The following RABL6 variants were observed in gnomAD, a reference collection of about 807,000 sequenced individuals.
RABL6 encodes rab-like protein 6.
RABL6 carries 28 observed loss-of-function variants against 72.9 expected under a neutral mutation model. That is an observed-to-expected ratio of 0.38 (90% CI 0.28 to 0.53). RABL6 has a LOEUF of 0.53. RABL6 is among the 20% of genes least tolerant of loss of function. RABL6 has a pLI of 0.80. For synonymous variants in RABL6, 477 were observed against 421.2 expected, an observed-to-expected ratio of 1.13 and a Z score of -1.62; for missense variants, 1,029 against 1,008.4, an observed-to-expected ratio of 1.02 and a Z score of -0.28.
intron 1 of RABL6, among the ~76,000 whole-genome samples, chr9:136,817,492 G>T (rs1195318116): frequency 6.6e-6 from 1 of 151,730 alleles, no homozygotes; most frequent in Non-Finnish European, 1.5e-5. Flanking sequence ...TGTGGCTGAG[G>T]GGAGGCCGAC....
At chr9:136,821,685 C>G in intron 1 of RABL6, 1 of 999,748 alleles carries the variant, frequency 1.0e-6, no homozygotes. Context: ...GCCTGGCTCC[C>G]TCCTGGCTGC....
Position 136,840,303 on chromosome 9 carries a change from C to T in RABL6, c.1990-19C>T. 1 of 1,603,216 alleles carries T rather than the reference C, an allele frequency of 6.2e-7. No individual in the cohort carries two copies. The highest frequency in any genetic ancestry group is 8.5e-7 in the Non-Finnish European group (1 of 1,175,134). On this transcript the variant is annotated intron_variant, in intron 14 of 14. Transcript: ENST00000311502. ...TGGCTTCCTGTGACTCCATGGCGCC[C>T]CATCCTTGTGCTCCTCAGGAAGAAG...
intron 2 of RABL6, among the ~76,000 whole-genome samples, chr9:136,824,865 C>T (rs564660803): frequency 6.6e-6 from 1 of 152,330 alleles, no homozygotes; most frequent in African/African-American, 2.4e-5. Flanking sequence ...CTACCTGCCA[C>T]CGCACCCTCT....
chr9:136,812,543 A>AGT (rs1299004215), intron 1 of RABL6, among the ~76,000 whole-genome samples: 2 of 152,050 alleles, frequency 1.3e-5, no homozygotes, highest in Non-Finnish European at 2.9e-5. Context: ...TGGGCGACAG[A>AGT]GTGAGACTTC....
At chr9:136,819,656 G>A (rs1848198930) in intron 1 of RABL6, among the ~76,000 whole-genome samples, 1 of 152,328 alleles carries the variant, frequency 6.6e-6, no homozygotes, top group Admixed American at 6.5e-5. Flanking sequence ...CAGCGACAGT[G>A]ATGCCATATG....
intron 1 of RABL6, among the ~76,000 whole-genome samples, chr9:136,822,971 C>T (rs1848273541): frequency 1.3e-5 from 2 of 152,024 alleles, no homozygotes; most frequent in East Asian, 1.9e-4. Flanking sequence ...GCCTGTAGTC[C>T]CAGCTACTCG....
intron 3 of RABL6, chr9:136,827,754 T>G (rs1179152983): frequency 6.6e-6 from 1 of 152,296 alleles, no homozygotes; most frequent in African/African-American, 2.4e-5. Context: ...CGTGGCGTTT[T>G]AAACACATGA....
In RABL6 at chr9:136,839,070, C is replaced by T. The variant is rs1222282728; in HGVS notation, c.1442C>T (p.Thr481Ile). 6.2e-6 allele frequency: 10 copies of T among 1,612,282 alleles called. No homozygotes were observed. The highest frequency in any genetic ancestry group is 8.5e-6 in the Non-Finnish European group (10 of 1,179,792). The change falls in exon 11 of 15, where the codon ACA becomes ATA. Residue 481 changes from threonine to isoleucine, a missense_variant. By Grantham distance (89) the Thr-to-Ile change is moderately conservative. This residue lies in a region of RABL6 where 595 missense variants were observed against 472.4 expected (regional missense o/e 1.26). Transcript: ENST00000311502. ...GAGGAAGCAGAAGTGGCAGCTCCCA[C>T]AAAAGGCCCTGCCCCAGCTCCCCAG... Reference protein sequence around the residue: ...SEEEAEVAAPTKGPAPAPQQC... With the variant: ...SEEEAEVAAPIKGPAPAPQQC...
In RABL6 at chr9:136,826,885, G is replaced by C. The variant is rs935483013; in HGVS notation, c.313+1059G>C. 2 of 152,390 alleles carry C rather than the reference G, an allele frequency of 1.3e-5. No individual in the cohort carries two copies. The highest frequency in any genetic ancestry group is 4.8e-5 in the African/African-American group (2 of 41,436). 9.4% of individuals were successfully genotyped at this position (152,390 alleles called of 1,614,324 possible). On this transcript the variant is annotated intron_variant, in intron 3 of 14. Transcript: ENST00000311502. The surrounding 1 kb of genome is among the most constrained non-coding windows in gnomAD (Gnocchi z 4.9). ...CTGTGCCTCCAGCTCTGGCTTCCTG[G>C]GTCTGTCCTTGGCGTGGAGCGGGCA... is the stretch of plus-strand genomic sequence containing the variant.
chr9:136,831,804 G>C lies in RABL6; in HGVS notation c.542G>C (p.Gly181Ala). The C allele has an allele frequency of 6.2e-7, 1 of 1,613,322 alleles. No homozygotes were observed. The highest frequency in any genetic ancestry group is 8.5e-7 in the Non-Finnish European group (1 of 1,179,812). Residue 181 changes from glycine to alanine, a missense_variant, in exon 6 of 15, where the codon GGC (glycine) becomes GCC (alanine). Coordinates refer to ENST00000311502, the MANE Select transcript of RABL6 (RefSeq NM_024718.5). ...VCVLGNYRDMGEHRVILPDDV... is the reference protein window; with the variant it reads ...VCVLGNYRDMAEHRVILPDDV... ...GTGCTGGGAAACTACCGGGACATGGGCGAGCACCGAGTCATCCTGCCGGAC... is the reference window on the plus strand; with the variant it reads ...GTGCTGGGAAACTACCGGGACATGGCCGAGCACCGAGTCATCCTGCCGGAC...
At chr9:136,822,731 G>T (rs1848265427) in intron 1 of RABL6, among the ~76,000 whole-genome samples, 2 of 152,212 alleles carry the variant, frequency 1.3e-5, no homozygotes, top group Non-Finnish European at 2.9e-5. Flanking sequence ...CAGGCCCGGG[G>T]CTACCCGGCA....
At chr9:136,821,567 C>T (rs1848238223) in intron 1 of RABL6, 1 of 985,356 alleles carries the variant, frequency 1.0e-6, no homozygotes, top group African/African-American at 1.7e-5. Context: ...CTGGGGGGGA[C>T]GGCGGCCGCC....
At chr9:136,812,204 C>G (rs918750199) in intron 1 of RABL6, among the ~76,000 whole-genome samples, 1 of 152,142 alleles carries the variant, frequency 6.6e-6, no homozygotes, top group African/African-American at 2.4e-5. Context: ...TGATACTGGC[C>G]TGGCCCAGGA....
At chr9:136,824,663 A>G (rs78579361) in intron 2 of RABL6, among the ~76,000 whole-genome samples, 3 of 149,380 alleles carry the variant, frequency 2.0e-5, no homozygotes, top group Non-Finnish European at 4.5e-5. Flanking sequence ...TTTCACTGCA[A>G]AAAAAAAAAA....
At position 136,835,784 on chromosome 9, in the gene RABL6, A is replaced by T. The variant is rs749731529; in HGVS notation, c.748A>T (p.Met250Leu). The T allele has an allele frequency of 1.3e-6, 2 of 1,553,146 alleles. No homozygotes were observed. The highest frequency in any genetic ancestry group is 3.9e-5 in the Admixed American group (2 of 51,398). The change falls in exon 8 of 15, where the codon ATG becomes TTG. Residue 250 changes from methionine to leucine, a missense_variant. Met to Leu is a conservative substitution (Grantham distance 15). This residue lies in a region of RABL6 where 434 missense variants were observed against 536.1 expected (regional missense o/e 0.81). Transcript: ENST00000311502. ...LRQLETNQLDMDATLEELSVQ... is the reference protein window; with the variant it reads ...LRQLETNQLDLDATLEELSVQ... ...GCAGCTGGAGACGAACCAGCTGGACATGGACGCCACGCTGGAGGAGCTGTC... is the reference window on the plus strand; with the variant it reads ...GCAGCTGGAGACGAACCAGCTGGACTTGGACGCCACGCTGGAGGAGCTGTC...
chr9:136,822,920 C>G (rs1030818145), intron 1 of RABL6, among the ~76,000 whole-genome samples: 2 of 152,102 alleles, frequency 1.3e-5, no homozygotes, highest in East Asian at 3.9e-4. Context: ...AACCCCGTCT[C>G]TACTAAAAAT....
At chr9:136,835,295 G>A (rs1487960665) in intron 7 of RABL6, 1 of 154,380 alleles carries the variant, frequency 6.5e-6, no homozygotes, top group African/African-American at 2.4e-5. Flanking sequence ...CAGGAGGGCA[G>A]TGGTTTGCTC....
intron 2 of RABL6, among the ~76,000 whole-genome samples, chr9:136,824,214 C>T (rs547995605): frequency 6.6e-6 from 1 of 151,732 alleles, no homozygotes; most frequent in Admixed American, 6.6e-5. Flanking sequence ...TGTGGCGAGG[C>T]TCCTGCTGTG....
At chr9:136,811,442 A>T (rs1848009771) in intron 1 of RABL6, among the ~76,000 whole-genome samples, 1 of 151,706 alleles carries the variant, frequency 6.6e-6, no homozygotes, top group Non-Finnish European at 1.5e-5. Context: ...ACATGTCGAA[A>T]CCCCGTCTCT....
Sources: allele counts gnomAD v4.1 joint callset (sites outside exome capture counted in the v4.1 genomes callset), GRCh38; gene constraint gnomAD v4.1.1; regional missense constraint gnomAD v4.1.1; non-coding constraint Gnocchi (gnomAD v3.1); transcripts MANE v1.5; gene names NCBI Gene and HGNC (gene_info 2026-07-23, HGNC 2026-07-21).